The following ERCC5 variants were observed in gnomAD, a reference collection of about 807,000 sequenced individuals.
ERCC5 encodes ERCC excision repair 5, endonuclease.
In ERCC5, 68 loss-of-function variants were observed where a neutral mutation model predicts 105.6. The ratio of observed to expected loss-of-function variants is 0.64; its 90% CI spans 0.53 to 0.79. The LOEUF is 0.79. Ranked by LOEUF, ERCC5 falls within the 30% of genes least tolerant of loss-of-function variation. The pLI is 0.00. For synonymous variants in ERCC5, 546 were observed against 526.2 expected, an observed-to-expected ratio of 1.04 and a Z score of -0.51; for missense variants, 1,373 against 1,426.7, an observed-to-expected ratio of 0.96 and a Z score of 0.61.
At position 102,872,215 on chromosome 13, in the gene ERCC5, C is replaced by T. The variant is rs370438771; in HGVS notation, c.2696C>T (p.Ala899Val). 4.3e-6 allele frequency: 7 copies of T among 1,613,802 alleles called. No homozygotes were observed. In the East Asian group the frequency reaches 8.9e-5, roughly 21 times the overall value. ...TTTTACAGAGAATGGTGGCATGAAG[C>T]TCAAAAAAATCCAAAGATAAGACCT... Reference protein sequence around the residue: ...LLKFSEWWHEAQKNPKIRPNP... With the variant: ...LLKFSEWWHEVQKNPKIRPNP... The change falls in exon 13 of 15, where the codon GCT becomes GTT. Residue 899 changes from alanine (A) to valine (V), a missense_variant. Around this residue, in one of 3 missense-constraint regions of ERCC5, gnomAD observed 367 missense variants for 350.2 expected, o/e 1.05. Transcript: ENST00000652225.
At position 102,862,053 on chromosome 13, in the gene ERCC5, G is replaced by C. The variant is rs760722074; in HGVS notation, c.904G>C (p.Glu302Gln). 6.2e-7 allele frequency: 1 copy of C among 1,614,232 alleles called. No homozygotes were observed. Residue 302 changes from glutamate (E) to glutamine (Q), a missense_variant, in exon 8 of 15, where the codon GAA (glutamate) becomes CAA (glutamine). Glu to Gln is a conservative substitution (Grantham distance 29, BLOSUM62 2). Transcript: ENST00000652225. ...AGGTATTCAAGCTAAGACAGTTGCA[G>C]AAGTGGATTCAGAGTCTCTTCCTTC... is the stretch of plus-strand genomic sequence containing the variant. ...IKGIQAKTVA[E>Q]VDSESLPSSS...
chr13:102,847,898 C>G (rs1298862608), intron 1 of ERCC5, among the ~76,000 whole-genome samples: 2 of 152,216 alleles, frequency 1.3e-5, no homozygotes, highest in African/African-American at 4.8e-5. Context: ...CAGTGGCTTA[C>G]GCCTGTCATC....
chr13:102,859,226 C>T (rs905317578), intron 6 of ERCC5, among the ~76,000 whole-genome samples: 3 of 152,246 alleles, frequency 2.0e-5, no homozygotes, highest in African/African-American at 7.2e-5. Flanking sequence ...CACTATAGGA[C>T]AGAATCGAAA....
At position 102,875,499 on chromosome 13, in the gene ERCC5, G is replaced by C. The variant is rs9514066; in HGVS notation, c.3157G>C (p.Gly1053Arg). Residue 1053 changes from glycine (G) to arginine (R), a missense_variant, in exon 15 of 15, where the codon GGA becomes CGA. Physicochemically the swap from Gly to Arg is moderately radical, Grantham distance 125. Around this residue, in one of 3 missense-constraint regions of ERCC5, gnomAD observed 367 missense variants for 350.2 expected, o/e 1.05. Transcript: ENST00000652225. The stretch of plus-strand genomic sequence containing the variant: ...ATTTGAGCTACTTGATAAGGCAAAA[G>C]GAAAAACCCAGAAGAGAGGCATAAC... ...KEFELLDKAKGKTQKRGITNT... is the reference protein window; with the variant it reads ...KEFELLDKAKRKTQKRGITNT... 1,613,600 of 1,614,206 alleles carry C rather than the reference G, an allele frequency of 1. 806,498 individuals are homozygous for C. The highest frequency in any genetic ancestry group is 1 in the South Asian group (91,084 of 91,086).
rs121434571 is a variant in ERCC5, at chr13:102,866,687, C to T, written c.2375C>T (p.Ala792Val). The T allele has an allele frequency of 5.1e-5, 82 of 1,614,046 alleles. No individual in the cohort carries two copies. Among genetic ancestry groups the T allele is most frequent in the Non-Finnish European group, 6.6e-5 (78 of 1,180,042 alleles). Residue 792 changes from alanine (A) to valine (V), a missense_variant, in exon 11 of 15, where the codon GCG becomes GTG. Physicochemically the swap from Ala to Val is moderately conservative, Grantham distance 64. Around this residue, in one of 3 missense-constraint regions of ERCC5, gnomAD observed 1,004 missense variants for 1,059.7 expected, o/e 0.95. Coordinates refer to ENST00000652225, the MANE Select transcript of ERCC5 (RefSeq NM_000123.4). ...ATCCAGGCTCCCATGGAAGCAGAGG[C>T]GCAGTGCGCCATCCTGGACCTGACT... ...PYIQAPMEAE[A>V]QCAILDLTDQ...
chr13:102,868,075 A>C (rs1040791702), intron 11 of ERCC5, 38 bp from the exon 12 acceptor site: 45 of 1,588,024 alleles, frequency 2.8e-5, no homozygotes, highest in Non-Finnish European at 3.6e-5. Context: ...TCATATAAGA[A>C]ATCTTGATAA....
chr13:102,875,754 G>A lies in ERCC5; in HGVS notation c.3412G>A (p.Val1138Met), dbSNP rs140930348. ...DSQNSVKEAP[V>M]KNGGATTSSS... is the part of the protein sequence containing the mutation. Reference sequence around the variant, plus strand: ...GCAGAACTCAGTGAAGGAAGCTCCCGTGAAGAATGGAGGTGCGACCACCAG... The same window carrying A: ...GCAGAACTCAGTGAAGGAAGCTCCCATGAAGAATGGAGGTGCGACCACCAG... Residue 1138 changes from valine (V) to methionine (M), a missense_variant, in exon 15 of 15, where the codon GTG becomes ATG. Transcript: ENST00000652225. 60 of 1,614,158 alleles carry A rather than the reference G, an allele frequency of 3.7e-5. No individual in the cohort carries two copies. The Admixed American group carries it at 4.5e-4, about 12-fold the overall frequency.
rs1178467021 is a variant in ERCC5, at chr13:102,846,270, G to T, written c.4G>T (p.Gly2Trp). ...GCTCTTAGGACGCAGCCGCCTCATGGGGGTCCAGGGGCTCTGGAAGCTGCT... is the reference window on the plus strand; with the variant it reads ...GCTCTTAGGACGCAGCCGCCTCATGTGGGTCCAGGGGCTCTGGAAGCTGCT... M[G>W]VQGLWKLLEC... is the part of the protein sequence containing the mutation. Residue 2 changes from glycine to tryptophan, a missense_variant, in exon 1 of 15, where the codon GGG (glycine) becomes TGG (tryptophan). Coordinates refer to ENST00000652225, the MANE Select transcript of ERCC5 (RefSeq NM_000123.4). The T allele has an allele frequency of 6.2e-7, 1 of 1,613,098 alleles. No homozygotes were observed. The highest frequency in any genetic ancestry group is 8.5e-7 in the Non-Finnish European group (1 of 1,179,650).
intron 4 of ERCC5, among the ~76,000 whole-genome samples, chr13:102,854,781 T>A (rs1595378339): frequency 6.6e-6 from 1 of 152,330 alleles, no homozygotes; most frequent in Middle Eastern, 3.4e-3. Flanking sequence ...TTTGCACGTC[T>A]TAGTGTGCTC....
chr13:102,858,500 A>C (rs1882506135), intron 6 of ERCC5, 82 bp downstream of exon 6: 2 of 1,583,708 alleles, frequency 1.3e-6, no homozygotes, highest in Admixed American at 1.7e-5. Flanking sequence ...AAAATTGATA[A>C]GCAATACTTA....
chr13:102,855,605 C>G (rs1346441992), intron 4 of ERCC5, among the ~76,000 whole-genome samples: 1 of 152,218 alleles, frequency 6.6e-6, no homozygotes, highest in Non-Finnish European at 1.5e-5. Context: ...ACTTTCCAGT[C>G]TTATCCCTGC....
In ERCC5 at chr13:102,862,123, C is replaced by T. The variant is rs1289427862; in HGVS notation, c.974C>T (p.Pro325Leu). The T allele has an allele frequency of 1.2e-6, 2 of 1,614,178 alleles. No individual in the cohort carries two copies. Among genetic ancestry groups the T allele is most frequent in the Non-Finnish European group, 8.5e-7 (1 of 1,180,030 alleles). Residue 325 changes from proline (P) to leucine (L), a missense_variant, in exon 8 of 15, where the codon CCA becomes CTA. Pro to Leu is a moderately conservative substitution (Grantham distance 98). Around this residue, in one of 3 missense-constraint regions of ERCC5, gnomAD observed 1,004 missense variants for 1,059.7 expected, o/e 0.95. Coordinates refer to ENST00000652225, the MANE Select transcript of ERCC5 (RefSeq NM_000123.4). ...HGMSFDVKSS[P>L]CEKLKTEKEP... is the part of the protein sequence containing the mutation. ...ATGTCTTTTGACGTGAAGTCATCTCCATGTGAAAAACTGAAGACAGAGAAA... is the reference window on the plus strand; with the variant it reads ...ATGTCTTTTGACGTGAAGTCATCTCTATGTGAAAAACTGAAGACAGAGAAA...
In ERCC5 at chr13:102,865,311, T is replaced by G. The variant is rs754719114; in HGVS notation, c.1955-356T>G. On this transcript the variant is annotated intron_variant, in intron 8 of 14. Transcript: ENST00000652225. The surrounding 1 kb of genome is among the most constrained non-coding windows in gnomAD (Gnocchi z 4.0). ...CTGTGTAAATAGCATAAAAACATACTGAGCAACTTCCATGATTGTTTATAT... is the reference window on the plus strand; with the variant it reads ...CTGTGTAAATAGCATAAAAACATACGGAGCAACTTCCATGATTGTTTATAT... The G allele has an allele frequency of 2.4e-5, 8 of 337,848 alleles. No homozygotes were observed. Among genetic ancestry groups the G allele is most frequent in the African/African-American group, 8.6e-5 (4 of 46,518 alleles). The allele number at this position is 337,848 out of a possible 1,614,324, so 20.9% of individuals were successfully genotyped here. A position where few individuals can be genotyped will look rare whatever the true frequency, so the allele number is the denominator to read the frequency against.
At chr13:102,873,093 G>A (rs1191841971) in intron 13 of ERCC5, among the ~76,000 whole-genome samples, 166 bp from the exon 14 acceptor site, 1 of 152,124 alleles carries the variant, frequency 6.6e-6, no homozygotes, top group African/African-American at 2.4e-5. Flanking sequence ...TGATTATGCT[G>A]GAGTCATTTA....
At position 102,866,851 on chromosome 13, in the gene ERCC5, A is replaced by G; in HGVS notation, c.2533+6A>G. 1 of 1,603,206 alleles carries G rather than the reference A, an allele frequency of 6.2e-7. No homozygotes were observed. On this transcript the variant is annotated splice_donor_region_variant and intron_variant, in intron 11 of 14. Coordinates refer to ENST00000652225, the MANE Select transcript of ERCC5 (RefSeq NM_000123.4). ...GGACTTTCACAATCAATTGGGTAAG[A>G]CTTCAGAGTCTTTTTGATTACTTTC... is the stretch of plus-strand genomic sequence containing the variant.
chr13:102,860,333 G>T (rs770404006), intron 6 of ERCC5, among the ~76,000 whole-genome samples: 1 of 152,146 alleles, frequency 6.6e-6, no homozygotes. Context: ...GTGAAGAAGC[G>T]AAAAGAAATT....
At position 102,862,796 on chromosome 13, in the gene ERCC5, T is replaced by G. The variant is rs1882688398; in HGVS notation, c.1647T>G (p.Leu549=). ...AAGTGCTTGAGCAGCAGAACGAACT[T>G]TGCCCATATGAGAGTAAATTCGATT... The part of the protein sequence containing the change: ...HAEVLEQQNE[L]CPYESKFDSS... Residue 549 remains leucine, a synonymous_variant, in exon 8 of 15, where the codon CTT becomes CTG. Coordinates refer to ENST00000652225, the MANE Select transcript of ERCC5 (RefSeq NM_000123.4). 1.2e-6 allele frequency: 2 copies of G among 1,614,204 alleles called. No homozygotes were observed. Among genetic ancestry groups the G allele is most frequent in the Non-Finnish European group, 1.7e-6 (2 of 1,180,034 alleles).
chr13:102,849,194 T>C (rs754220577), intron 1 of ERCC5: 1 of 519,018 alleles, frequency 1.9e-6, no homozygotes, highest in African/African-American at 1.9e-5. Context: ...ACCTCTGAGA[T>C]GTATCTTTTA....
Position 102,853,283 on chromosome 13 carries a change from T to G in ERCC5, c.265-474T>G, listed in dbSNP as rs559717799. ...ACAGGGACTATCCATTTGTCACTAC[T>G]TGAACATTTCTTACAAGATATTTCT... is the stretch of plus-strand genomic sequence containing the variant. On this transcript the variant is annotated intron_variant, in intron 2 of 14. Transcript: ENST00000652225. Among the ~76,000 whole-genome samples the G allele has an allele frequency of 5.3e-5, 8 of 152,360 alleles. No homozygotes were observed. In the East Asian group the frequency reaches 1.2e-3, roughly 22 times the overall value.
Sources: gnomAD v4.1 joint callset for allele counts (sites outside exome capture counted in the v4.1 genomes callset) on GRCh38, gnomAD v4.1.1 for gene constraint, gnomAD v4.1.1 regional missense constraint, Gnocchi (gnomAD v3.1) non-coding constraint, MANE v1.5 for transcripts, NCBI Gene and HGNC (gene_info 2026-07-23, HGNC 2026-07-21) for gene names.